PGM5: variants seen among roughly 807,000 people sequenced by gnomAD.
The protein encoded by PGM5 is phosphoglucomutase 5.
PGM5 carries 23 observed loss-of-function variants against 59.2 expected under a neutral mutation model. The observed-to-expected ratio is 0.39, with a 90% CI of 0.28 to 0.55. The LOEUF is 0.55. Ranked by LOEUF, PGM5 falls within the 20% of genes least tolerant of loss-of-function variation. The pLI, the probability that PGM5 is intolerant of heterozygous loss-of-function variation, is 0.66. For missense variants in PGM5, 574 were observed against 748.3 expected, an observed-to-expected ratio of 0.77 and a Z score of 2.72; for synonymous variants, 214 against 286.0, an observed-to-expected ratio of 0.75 and a Z score of 2.54.
In PGM5 at chr9:68,391,678, T is replaced by C. The variant is rs1554679476; in HGVS notation, c.842T>C (p.Met281Thr). 6.2e-7 allele frequency: 1 copy of C among 1,612,906 alleles called. No homozygotes were observed. Among genetic ancestry groups the C allele is most frequent in the South Asian group, 1.1e-5 (1 of 91,058 alleles). Residue 281 changes from methionine to threonine, a missense_variant, in exon 5 of 11, where the codon ATG (methionine) becomes ACG (threonine). By Grantham distance (81) the Met-to-Thr change is moderately conservative. Transcript: ENST00000396396. Reference sequence around the variant, plus strand: ...TATGCAACGACTCTTCTGGAAGCAATGAAAGGAGGAGAATATGGATTTGGA... The same window carrying C: ...TATGCAACGACTCTTCTGGAAGCAACGAAAGGAGGAGAATATGGATTTGGA... The part of the protein sequence containing the change: ...LTYATTLLEA[M>T]KGGEYGFGAA...
intron 10 of PGM5, among the ~76,000 whole-genome samples, chr9:68,516,037 G>T (rs1315942253): frequency 6.6e-6 from 1 of 152,210 alleles, no homozygotes; most frequent in East Asian, 1.9e-4. Context: ...CAATGCTATA[G>T]GTAGTCATGC....
At chr9:68,476,134 A>C (rs1402878482) in intron 7 of PGM5, among the ~76,000 whole-genome samples, 2 of 152,238 alleles carry the variant, frequency 1.3e-5, no homozygotes, top group Admixed American at 6.5e-5. Context: ...GCTGCATGAT[A>C]TTTTTAAAGA....
chr9:68,357,100 G>C lies in PGM5; in HGVS notation c.-28G>C. ...CTGCAGATTCCCTCCGGCTCCGGGA[G>C]CCGCAGCAGGACCGGCCAGGAGGCG... On this transcript the variant is annotated 5_prime_UTR_variant, in exon 1 of 11. Transcript: ENST00000396396. The C allele has an allele frequency of 1.4e-6, 2 of 1,455,954 alleles. No homozygotes were observed. The highest frequency in any genetic ancestry group is 1.8e-6 in the Non-Finnish European group (2 of 1,109,826). The allele number at this position is 1,455,954 out of a possible 1,614,324, so 90.2% of individuals were successfully genotyped here.
intron 7 of PGM5, among the ~76,000 whole-genome samples, chr9:68,465,687 A>T (rs1270100273): frequency 6.6e-6 from 1 of 152,156 alleles, no homozygotes; most frequent in Non-Finnish European, 1.5e-5. Context: ...CCATTATCAC[A>T]CCTAAAATGT....
At position 68,356,731 on chromosome 9, in the gene PGM5, C is replaced by T. The variant is rs1301953161; in HGVS notation, c.-397C>T. On this transcript the variant is annotated 5_prime_UTR_variant, in exon 1 of 11. Coordinates refer to ENST00000396396, the MANE Select transcript of PGM5 (RefSeq NM_021965.4). ...GGTGTGCCCCGGAGGGCGGCGATCG[C>T]GGGTGAAGGCTGGGGCCAGGCGCGG... 6.6e-6 allele frequency among the ~76,000 whole-genome samples: 1 copy of T among 152,168 alleles called. No homozygotes were observed. Among genetic ancestry groups the T allele is most frequent in the Non-Finnish European group, 1.5e-5 (1 of 68,028 alleles).
chr9:68,406,699 T>C lies in PGM5; in HGVS notation c.1043+14226T>C, dbSNP rs1426921897. On this transcript the variant is annotated intron_variant, in intron 6 of 10. Coordinates refer to ENST00000396396, the MANE Select transcript of PGM5 (RefSeq NM_021965.4). ...ATATGTATATATATATATATATATA[T>C]ATATATATATATATATATATATATA... Among the ~76,000 whole-genome samples, 9 of 87,166 alleles carry C rather than the reference T, an allele frequency of 1.0e-4. No individual in the cohort carries two copies. The South Asian group carries it at 1.2e-3, about 12-fold the overall frequency. 57.2% of individuals were successfully genotyped at this position (87,166 alleles called of 152,430 possible).
intron 10 of PGM5, among the ~76,000 whole-genome samples, chr9:68,517,049 T>C (rs1353721855): frequency 6.9e-6 from 1 of 144,420 alleles, no homozygotes; most frequent in Non-Finnish European, 1.5e-5. Flanking sequence ...TTTTTTGTCT[T>C]TTTTTTTTTT....
At chr9:68,362,880 T>G (rs1392715412) in intron 1 of PGM5, among the ~76,000 whole-genome samples, 1 of 145,366 alleles carries the variant, frequency 6.9e-6, no homozygotes, top group Non-Finnish European at 1.5e-5. Flanking sequence ...TTTTTTTTTT[T>G]TTTTTTGAGA....
rs555284453 is a variant in PGM5 at position 68,376,886 on chromosome 9, T to C, written c.262-1313T>C. Among the ~76,000 whole-genome samples the C allele has an allele frequency of 1.3e-4, 17 of 134,216 alleles. 2 individuals are homozygous for C. In the Admixed American group the frequency reaches 1.3e-3, roughly 11 times the overall value. 88.1% of individuals were successfully genotyped at this position (134,216 alleles called of 152,430 possible). ...CTTTTTTCTTTCTCTTTCTTTCTTT[T>C]TTTCTTTCTTTCTCTCTCTTTCTTT... On this transcript the variant is annotated intron_variant, in intron 1 of 10. Transcript: ENST00000396396.
At chr9:68,415,840 C>G (rs1823019993) in intron 6 of PGM5, among the ~76,000 whole-genome samples, 1 of 131,650 alleles carries the variant, frequency 7.6e-6, no homozygotes, top group Non-Finnish European at 1.7e-5. Flanking sequence ...TCTACACACA[C>G]TAATGGTATT....
chr9:68,367,282 G>A (rs1834697280), intron 1 of PGM5, among the ~76,000 whole-genome samples: 1 of 151,154 alleles, frequency 6.6e-6, no homozygotes, highest in Non-Finnish European at 1.5e-5. Flanking sequence ...TGAGGCTCAG[G>A]CTGTGTTAAG....
At chr9:68,455,818 C>G (rs1823765721) in intron 6 of PGM5, among the ~76,000 whole-genome samples, 1 of 152,190 alleles carries the variant, frequency 6.6e-6, no homozygotes, top group South Asian at 2.1e-4. Flanking sequence ...CGATATCCCA[C>G]TAGGTTTTCA....
intron 6 of PGM5, among the ~76,000 whole-genome samples, chr9:68,409,124 A>T (rs561575645): frequency 3.3e-5 from 5 of 151,770 alleles, no homozygotes; most frequent in African/African-American, 1.2e-4. Flanking sequence ...ACATGAAAAA[A>T]TGCTCATCAT....
chr9:68,371,319 A>G (rs1821723300), intron 1 of PGM5, among the ~76,000 whole-genome samples: 1 of 152,234 alleles, frequency 6.6e-6, no homozygotes, highest in Non-Finnish European at 1.5e-5. Context: ...GCCTGCTTCA[A>G]TGCTGTAAAC....
intron 7 of PGM5, among the ~76,000 whole-genome samples, chr9:68,475,956 G>A (rs992928028): frequency 1.3e-5 from 2 of 152,186 alleles, no homozygotes; most frequent in African/African-American, 2.4e-5. Context: ...GGGAGGTCGC[G>A]GCTGCAGTGA....
At chr9:68,490,135 C>A (rs569244342) in intron 9 of PGM5, among the ~76,000 whole-genome samples, 52 of 152,252 alleles carry the variant, frequency 3.4e-4, no homozygotes, top group African/African-American at 1.2e-3. Context: ...CATTTTATTT[C>A]CAGCATGTGG....
intron 1 of PGM5, among the ~76,000 whole-genome samples, chr9:68,371,209 C>G (rs1220688905): frequency 6.6e-6 from 1 of 152,146 alleles, no homozygotes; most frequent in African/African-American, 2.4e-5. Context: ...AAACCCAGAC[C>G]CTATGGTGTG....
chr9:68,387,216 A>C (rs1822244827), intron 3 of PGM5, among the ~76,000 whole-genome samples: 1 of 152,136 alleles, frequency 6.6e-6, no homozygotes, highest in Admixed American at 6.6e-5. Flanking sequence ...TTTTCCTTGC[A>C]AAGAAGAATT....
intron 7 of PGM5, among the ~76,000 whole-genome samples, chr9:68,478,594 G>T (rs906229743): frequency 6.6e-6 from 1 of 152,128 alleles, no homozygotes; most frequent in Admixed American, 6.5e-5. Flanking sequence ...TTCCTTGGAA[G>T]GCTGTAGAGG....
Sources: gnomAD v4.1 joint callset for allele counts (sites outside exome capture counted in the v4.1 genomes callset) on GRCh38, gnomAD v4.1.1 for gene constraint, MANE v1.5 for transcripts, NCBI Gene and HGNC (gene_info 2026-07-23, HGNC 2026-07-21) for gene names.